The following ENTREP2 variants were observed in gnomAD, a reference collection of about 807,000 sequenced individuals.
ENTREP2 encodes endosomal transmembrane epsin interactor 2.
chr15:29,185,518 T>C, the ENTREP2 span, among the ~76,000 whole-genome samples: 572 of 152,294 alleles, frequency 3.8e-3, 2 homozygotes, highest in African/African-American at 0.013. Context: ...TTTGCCCTGC[T>C]GCCATTTTTA....
chr15:29,466,889 CA>C, the ENTREP2 span, among the ~76,000 whole-genome samples: 6 of 126,444 alleles, frequency 4.7e-5, no homozygotes, highest in African/African-American at 1.2e-4. Context: ...GGGAAGGGCC[CA>C]GGGGAAGATG....
At chr15:29,476,183 C>T in the ENTREP2 span, among the ~76,000 whole-genome samples, 1 of 152,186 alleles carries the variant, frequency 6.6e-6, no homozygotes, top group African/African-American at 2.4e-5. Flanking sequence ...TCTATCCCCC[C>T]AAATAACAAT....
chr15:29,182,893 G>A, the ENTREP2 span, among the ~76,000 whole-genome samples: 2 of 152,090 alleles, frequency 1.3e-5, no homozygotes, highest in East Asian at 3.9e-4. Flanking sequence ...ACAGATTGGT[G>A]CTGTAATAAT....
the ENTREP2 span, among the ~76,000 whole-genome samples, chr15:29,157,671 A>G: frequency 9.9e-5 from 15 of 152,136 alleles, no homozygotes; most frequent in Non-Finnish European, 1.8e-4. Context: ...TAGAACTCTT[A>G]AGTATGTATT....
At chr15:29,459,287 C>A in the ENTREP2 span, among the ~76,000 whole-genome samples, 2 of 152,166 alleles carry the variant, frequency 1.3e-5, no homozygotes, top group Admixed American at 6.5e-5. Context: ...CAAGGACAGT[C>A]ATCTGGCCCA....
chr15:29,247,367 A>G, the ENTREP2 span, among the ~76,000 whole-genome samples: 1 of 152,252 alleles, frequency 6.6e-6, no homozygotes, highest in Non-Finnish European at 1.5e-5. Flanking sequence ...GGCAAAAGAA[A>G]ATCAAAGTGC....
the ENTREP2 span, among the ~76,000 whole-genome samples, chr15:29,330,385 A>C: frequency 6.6e-6 from 1 of 151,744 alleles, no homozygotes; most frequent in Non-Finnish European, 1.5e-5. Context: ...GGAGGCAGAG[A>C]CTGCAGTGAG....
chr15:29,376,849 T>C, the ENTREP2 span: 2 of 152,326 alleles, frequency 1.3e-5, no homozygotes, highest in South Asian at 4.1e-4. Context: ...AGGAGAGCAA[T>C]GGCAGCACCA....
chr15:29,166,957 A>G, the ENTREP2 span, among the ~76,000 whole-genome samples: 2 of 152,284 alleles, frequency 1.3e-5, no homozygotes, highest in East Asian at 3.9e-4. Flanking sequence ...GCATGGTACT[A>G]GTATAAAAAT....
the ENTREP2 span, among the ~76,000 whole-genome samples, chr15:29,384,708 C>A: frequency 6.6e-6 from 1 of 152,224 alleles, no homozygotes; most frequent in Non-Finnish European, 1.5e-5. Context: ...CCCTCCACAC[C>A]CAACCTCCGA....
At chr15:29,231,951 G>A in the ENTREP2 span, among the ~76,000 whole-genome samples, 185 of 148,710 alleles carry the variant, frequency 1.2e-3, no homozygotes, top group African/African-American at 4.4e-3. Context: ...AGTGAGTGGC[G>A]CAATCTTGGC....
the ENTREP2 span, among the ~76,000 whole-genome samples, chr15:29,429,800 G>A: frequency 3.3e-5 from 5 of 152,222 alleles, no homozygotes; most frequent in Admixed American, 6.5e-5. Context: ...TGCAATGCCC[G>A]ATCCGGGCCG....
chr15:29,126,365 GAC>G, the ENTREP2 span: 3 of 1,542,920 alleles, frequency 1.9e-6, no homozygotes, highest in Non-Finnish European at 1.7e-6. Flanking sequence ...ATCCTCTGGA[GAC>G]ACATGGCCAG....
the ENTREP2 span, among the ~76,000 whole-genome samples, chr15:29,672,654 G>A: frequency 4.6e-5 from 7 of 152,174 alleles, no homozygotes; most frequent in African/African-American, 7.2e-5. Flanking sequence ...AATTGCAGTC[G>A]AGAGTTTAAT....
At chr15:29,546,649 G>A in the ENTREP2 span, among the ~76,000 whole-genome samples, 1 of 152,136 alleles carries the variant, frequency 6.6e-6, no homozygotes, top group Non-Finnish European at 1.5e-5. Flanking sequence ...CACTTTGGGA[G>A]GCCGAGGCAG....
At chr15:29,673,695 C>T in the ENTREP2 span, among the ~76,000 whole-genome samples, 2 of 152,238 alleles carry the variant, frequency 1.3e-5, no homozygotes, top group South Asian at 2.1e-4. Context: ...CAGTGTAGTC[C>T]CCAGGCAAGA....
At chr15:29,234,879 T>C in the ENTREP2 span, 1 of 1,487,092 alleles carries the variant, frequency 6.7e-7, no homozygotes, top group Non-Finnish European at 9.4e-7. Flanking sequence ...CGAATTGTTG[T>C]CAAAACCTTT....
At chr15:29,618,029 T>G in the ENTREP2 span, among the ~76,000 whole-genome samples, 1 of 152,186 alleles carries the variant, frequency 6.6e-6, no homozygotes, top group African/African-American at 2.4e-5. Flanking sequence ...TGTTTCTGTT[T>G]CCTAATTTTC....
At chr15:29,235,284 AT>A in the ENTREP2 span, 1 of 482,282 alleles carries the variant, frequency 2.1e-6, no homozygotes, top group East Asian at 4.2e-5. Flanking sequence ...CTTAATAATG[AT>A]TGGTCCTGTT....
Sources: gnomAD v4.1 joint callset for allele counts (sites outside exome capture counted in the v4.1 genomes callset) on GRCh38, gnomAD v4.1.1 for gene constraint, MANE v1.5 for transcripts, NCBI Gene and HGNC (gene_info 2026-07-23, HGNC 2026-07-21) for gene names.